The following GNG4 variants were observed in gnomAD, a reference collection of about 807,000 sequenced individuals.
GNG4 encodes the protein G protein subunit gamma 4, also known as guanine nucleotide-binding protein G(I)/G(S)/G(O) subunit gamma-4.
A neutral mutation model predicts 5.8 loss-of-function variants in GNG4; 4 were observed. That is an observed-to-expected ratio of 0.69 (90% confidence interval 0.34 to 1.57). The LOEUF is 1.57. GNG4 is among the 40% of genes most tolerant of loss of function. The pLI is 0.06. For missense variants in GNG4, 96 were observed against 95.1 expected (o/e 1.01, Z -0.04); for synonymous variants, 29 against 32.9 (o/e 0.88, Z 0.41).
At chr1:235,573,573 C>T (rs901890351) in intron 3 of GNG4, among the ~76,000 whole-genome samples, 7 of 151,950 alleles carry the variant, frequency 4.6e-5, no homozygotes, top group Non-Finnish European at 7.4e-5. Context: ...GTCAGGAGAT[C>T]GAGACCATCC....
At chr1:235,649,826 C>T (rs1657621722), upstream of GNG4, 1 of 149,908 alleles carries the variant, frequency 6.7e-6, no homozygotes, top group African/African-American at 2.4e-5. The surrounding 1 kb of genome is among the most constrained non-coding windows in gnomAD (Gnocchi z 5.7). Flanking sequence ...CGTCACCGGC[C>T]CCGCCCCGCG....
intron 1 of GNG4, among the ~76,000 whole-genome samples, chr1:235,603,538 C>T (rs1385329210): frequency 2.0e-5 from 3 of 151,992 alleles, no homozygotes; most frequent in East Asian, 1.9e-4. Flanking sequence ...CCGTCCCCCT[C>T]GCAGGGGGAT....
At chr1:235,560,612 A>C (rs1279350817) in intron 3 of GNG4, among the ~76,000 whole-genome samples, 1 of 152,250 alleles carries the variant, frequency 6.6e-6, no homozygotes, top group Non-Finnish European at 1.5e-5. Context: ...TTCTAGTAGG[A>C]CAGAGAAGAT....
Position 235,631,062 on chromosome 1 carries a change from C to A in GNG4, c.-123+18600G>T, listed in dbSNP as rs1195631059. Among the ~76,000 whole-genome samples the A allele has an allele frequency of 2.6e-5, 4 of 152,210 alleles. 1 individual carries two copies. Among genetic ancestry groups the A allele is most frequent in the Admixed American group, 1.3e-4 (2 of 15,276 alleles). On this transcript the variant is annotated intron_variant, in intron 1 of 3. Transcript: ENST00000391854. ...TACAGGCACGCACCACCATACCCAGCTAATTTTTGTATTTTTAATAGAGAT... is the reference window on the plus strand; with the variant it reads ...TACAGGCACGCACCACCATACCCAGATAATTTTTGTATTTTTAATAGAGAT...
chr1:235,598,549 C>T (rs1688182072), intron 1 of GNG4, among the ~76,000 whole-genome samples: 1 of 152,042 alleles, frequency 6.6e-6, no homozygotes, highest in Non-Finnish European at 1.5e-5. Flanking sequence ...TTTGAGGCTG[C>T]AGTGAGCTGT....
At chr1:235,585,211 C>T (rs942525456) in intron 2 of GNG4, among the ~76,000 whole-genome samples, 3 of 151,184 alleles carry the variant, frequency 2.0e-5, no homozygotes, top group African/African-American at 7.3e-5. Context: ...TTTTCCTTTT[C>T]CTTTCCTTTC....
chr1:235,624,105 T>A (rs1195421392), intron 1 of GNG4, among the ~76,000 whole-genome samples: 1 of 85,328 alleles, frequency 1.2e-5, no homozygotes, highest in East Asian at 1.5e-3. Context: ...GGCCAATTCC[T>A]TTTTTTTTTT....
At chr1:235,563,648 G>T (rs1353043545) in intron 3 of GNG4, among the ~76,000 whole-genome samples, 8 of 151,970 alleles carry the variant, frequency 5.3e-5, no homozygotes, top group Non-Finnish European at 1.2e-4. Flanking sequence ...TCTCTTAATA[G>T]ATCTGAAAAT....
intron 1 of GNG4, among the ~76,000 whole-genome samples, chr1:235,622,076 A>T (rs1688723960): frequency 6.6e-6 from 1 of 152,234 alleles, no homozygotes; most frequent in African/African-American, 2.4e-5. Flanking sequence ...AGATTCTATA[A>T]ATAAAGCTAT....
intron 1 of GNG4, among the ~76,000 whole-genome samples, chr1:235,607,831 GC>G (rs1235193099): frequency 6.6e-6 from 1 of 152,054 alleles, no homozygotes; most frequent in Non-Finnish European, 1.5e-5. Flanking sequence ...ACAGGGCCCA[GC>G]CCCCTCCCCT....
intron 1 of GNG4, among the ~76,000 whole-genome samples, chr1:235,617,633 C>T (rs996854578): frequency 1.3e-5 from 2 of 152,088 alleles, no homozygotes; most frequent in African/African-American, 4.8e-5. Context: ...GCCTGTAATC[C>T]CAGCACTTTG....
At chr1:235,586,288 C>A (rs1687757993) in intron 2 of GNG4, among the ~76,000 whole-genome samples, 1 of 152,012 alleles carries the variant, frequency 6.6e-6, no homozygotes, top group South Asian at 2.1e-4. Flanking sequence ...CGCGTTCCTG[C>A]ACATGTGTTG....
chr1:235,619,095 TTCAA>T (rs1688654832), intron 1 of GNG4, among the ~76,000 whole-genome samples: 1 of 109,388 alleles, frequency 9.1e-6, no homozygotes, highest in African/African-American at 3.6e-5. Context: ...GGCTGAGGAG[TTCAA>T]GACCACCCTC....
At chr1:235,557,543 C>T (rs573238309) in intron 3 of GNG4, among the ~76,000 whole-genome samples, 223 of 152,236 alleles carry the variant, frequency 1.5e-3, no homozygotes, top group Non-Finnish European at 2.4e-3. Flanking sequence ...CCCCTTCTGT[C>T]TACACATACA....
intron 1 of GNG4, among the ~76,000 whole-genome samples, chr1:235,624,358 C>T (rs1324701032): frequency 3.3e-5 from 5 of 151,932 alleles, no homozygotes; most frequent in African/African-American, 4.8e-5. Context: ...GTGACCCACC[C>T]GCCTCAACCT....
intron 1 of GNG4, among the ~76,000 whole-genome samples, chr1:235,630,933 C>G (rs997361823): frequency 1.3e-5 from 2 of 151,606 alleles, no homozygotes; most frequent in African/African-American, 4.8e-5. Context: ...GAGTCTTGCT[C>G]TGTCACCCCG....
intron 1 of GNG4, among the ~76,000 whole-genome samples, chr1:235,620,779 C>T (rs929948712): frequency 2.0e-5 from 3 of 152,188 alleles, no homozygotes; most frequent in Non-Finnish European, 4.4e-5. Context: ...TCGTGATCCA[C>T]CTGCCTCGGC....
Position 235,644,478 on chromosome 1 carries a change from C to A in GNG4, c.-123+5184G>T, listed in dbSNP as rs1210504204. Among the ~76,000 whole-genome samples, 1 of 152,216 alleles carries A rather than the reference C, an allele frequency of 6.6e-6. No homozygotes were observed. The highest frequency in any genetic ancestry group is 6.5e-5 in the Admixed American group (1 of 15,284). On this transcript the variant is annotated intron_variant, in intron 1 of 3. Transcript: ENST00000391854. This position sits in a 1 kb window ranked among gnomAD's most constrained non-coding sequence, Gnocchi z 5.9. ...TCTCTCATCCTGGTAACACCTTCTT[C>A]CCCGCACACACCGTCAAACACATGC...
At chr1:235,572,242 C>T (rs773050734) in intron 3 of GNG4, among the ~76,000 whole-genome samples, 7 of 152,234 alleles carry the variant, frequency 4.6e-5, no homozygotes, top group Middle Eastern at 3.4e-3. Flanking sequence ...GATGGAGTCT[C>T]GCTCTGATGT....
Sources: gnomAD v4.1 joint callset for allele counts (sites outside exome capture counted in the v4.1 genomes callset) on GRCh38, gnomAD v4.1.1 for gene constraint, Gnocchi (gnomAD v3.1) non-coding constraint, MANE v1.5 for transcripts, NCBI Gene and HGNC (gene_info 2026-07-23, HGNC 2026-07-21) for gene names.